The following NUDCD3 variants were observed in gnomAD, a reference collection of about 807,000 sequenced individuals.
NUDCD3 encodes the protein NudC domain containing 3.
In NUDCD3, 13 loss-of-function variants were observed where a neutral mutation model predicts 39.7. The ratio of observed to expected loss-of-function variants is 0.33; its 90% CI spans 0.21 to 0.52. The LOEUF (loss-of-function observed/expected upper bound fraction) is 0.52. Among genes scored for constraint, NUDCD3 ranks in the 20% least tolerant of loss-of-function variants. The probability of loss-of-function intolerance (pLI) is 0.96; values close to 1 mark genes in which losing one functional copy is unlikely to be tolerated. For synonymous variants in NUDCD3, 175 were observed against 172.4 expected (o/e 1.02, Z -0.12); for missense variants, 453 against 458.1 (o/e 0.99, Z 0.10).
At chr7:44,416,047 T>C (rs1045245228) in intron 3 of NUDCD3, among the ~76,000 whole-genome samples, 1 of 152,146 alleles carries the variant, frequency 6.6e-6, no homozygotes, top group African/African-American at 2.4e-5. Flanking sequence ...AAAAAAATCA[T>C]TCAGCAATTA....
intron 4 of NUDCD3, among the ~76,000 whole-genome samples, chr7:44,400,151 T>C (rs1203543133): frequency 6.6e-6 from 1 of 152,210 alleles, no homozygotes; most frequent in Admixed American, 6.5e-5. Context: ...CTTTGGGGAC[T>C]GAACGAGCTA....
chr7:44,466,059 A>G (rs1455190490), intron 2 of NUDCD3, among the ~76,000 whole-genome samples: 2 of 152,144 alleles, frequency 1.3e-5, no homozygotes, highest in African/African-American at 4.8e-5. Flanking sequence ...GCCACCCAAC[A>G]TGAGACATCT....
chr7:44,483,079 T>C (rs923645482), intron 2 of NUDCD3, among the ~76,000 whole-genome samples: 1 of 152,132 alleles, frequency 6.6e-6, no homozygotes, highest in African/African-American at 2.4e-5. Flanking sequence ...TGTGTGTGTG[T>C]GTGTGTGTAT....
intron 4 of NUDCD3, among the ~76,000 whole-genome samples, chr7:44,401,218 C>G (rs538392751): frequency 7.2e-5 from 11 of 152,364 alleles, no homozygotes; most frequent in African/African-American, 2.2e-4. Flanking sequence ...AAGCTCCACA[C>G]AGCAGACGTG....
chr7:44,477,877 A>C (rs1447819597), intron 2 of NUDCD3, among the ~76,000 whole-genome samples: 7 of 132,828 alleles, frequency 5.3e-5, no homozygotes, highest in Admixed American at 9.0e-5. Flanking sequence ...TCTGTCGCCC[A>C]GGCTGGAGTG....
chr7:44,474,001 A>G (rs930292584), intron 2 of NUDCD3, among the ~76,000 whole-genome samples: 5 of 152,224 alleles, frequency 3.3e-5, no homozygotes, highest in Non-Finnish European at 7.3e-5. Flanking sequence ...GAAAATATTT[A>G]CAGATGAAAT....
chr7:44,404,668 G>T, intron 3 of NUDCD3, 85 bp from the exon 4 acceptor site: 1 of 1,452,242 alleles, frequency 6.9e-7, no homozygotes, highest in Non-Finnish European at 9.5e-7. Flanking sequence ...TGGTTTCCAA[G>T]GTACCTGACT....
chr7:44,436,024 T>C (rs1343244369), intron 2 of NUDCD3, among the ~76,000 whole-genome samples: 2 of 151,892 alleles, frequency 1.3e-5, no homozygotes, highest in African/African-American at 4.8e-5. Flanking sequence ...GGACAAAAAA[T>C]GAGAAGGGGA....
At chr7:44,442,520 T>A (rs1279336104) in intron 2 of NUDCD3, among the ~76,000 whole-genome samples, 2 of 152,070 alleles carry the variant, frequency 1.3e-5, no homozygotes, top group Non-Finnish European at 2.9e-5. Flanking sequence ...CTGAATCACT[T>A]CAGCCCCACG....
chr7:44,459,295 C>G (rs1319188286), intron 2 of NUDCD3, among the ~76,000 whole-genome samples: 1 of 151,384 alleles, frequency 6.6e-6, no homozygotes, highest in African/African-American at 2.4e-5. Context: ...ACCTACAGGG[C>G]TCAAGCAATT....
intron 2 of NUDCD3, among the ~76,000 whole-genome samples, chr7:44,437,801 C>T (rs918086382): frequency 1.3e-5 from 2 of 152,142 alleles, no homozygotes; most frequent in African/African-American, 4.8e-5. Context: ...CACTAATACT[C>T]TGATAGATTT....
At position 44,404,483 on chromosome 7, in the gene NUDCD3, G is replaced by A. The variant is rs1798779413; in HGVS notation, c.743C>T (p.Thr248Ile). Residue 248 changes from threonine (T) to isoleucine (I), a missense_variant, in exon 4 of 6, where the codon ACT (threonine) becomes ATT (isoleucine). By Grantham distance (89) the Thr-to-Ile change is moderately conservative. Transcript: ENST00000355451. ...CTCGAGACTCCAGAGAGAACTCTCA[G>A]TGTTGATCTTGTGGGTGAGCTTCCC... ...MEGKLTHKIN[T>I]ESSLWSLEPG... The A allele has an allele frequency of 1.2e-6, 2 of 1,614,040 alleles. No homozygotes were observed. Among genetic ancestry groups the A allele is most frequent in the Admixed American group, 1.7e-5 (1 of 60,000 alleles).
intron 5 of NUDCD3, among the ~76,000 whole-genome samples, chr7:44,389,627 C>T (rs952914906): frequency 2.0e-5 from 3 of 152,218 alleles, no homozygotes; most frequent in African/African-American, 2.4e-5. Flanking sequence ...GACTGAAATA[C>T]TCTTTGGAGA....
intron 4 of NUDCD3, among the ~76,000 whole-genome samples, chr7:44,393,799 C>T (rs1165995902): frequency 6.6e-6 from 1 of 152,124 alleles, no homozygotes; most frequent in Non-Finnish European, 1.5e-5. Context: ...GCCACCAGGA[C>T]ACTTACTGAC....
At position 44,485,065 on chromosome 7, in the gene NUDCD3, G is replaced by A. The variant is rs1800577214; in HGVS notation, c.412C>T (p.Pro138Ser). The A allele has an allele frequency of 6.2e-7, 1 of 1,614,066 alleles. No homozygotes were observed. Among genetic ancestry groups the A allele is most frequent in the Non-Finnish European group, 8.5e-7 (1 of 1,180,014 alleles). The stretch of plus-strand genomic sequence containing the variant: ...GAACCATGGGCCATTTCCTTCACAG[G>A]GCCTGGAGGCTGCACTTTCTCTACT... Reference protein sequence around the residue: ...QEVEKVQPPGPVKEMAHGSQE... With the variant: ...QEVEKVQPPGSVKEMAHGSQE... The change falls in exon 2 of 6, where the codon CCT becomes TCT. Residue 138 changes from proline to serine, a missense_variant. Transcript: ENST00000355451.
chr7:44,428,055 C>T lies in NUDCD3; in HGVS notation c.510-352G>A, dbSNP rs55726502. On this transcript the variant is annotated intron_variant, in intron 2 of 5. Coordinates refer to ENST00000355451, the MANE Select transcript of NUDCD3 (RefSeq NM_015332.4). ...AGGCCTGTTAATTAACCAGAGGGCT[C>T]TTATTAATAAAATCCTTAGGCTCAT... Among the ~76,000 whole-genome samples, 4 of 141,930 alleles carry T rather than the reference C, an allele frequency of 2.8e-5. No homozygotes were observed. The East Asian group carries it at 8.6e-4, about 31-fold the overall frequency. 93.1% of individuals were successfully genotyped at this position (141,930 alleles called of 152,430 possible). A position where few individuals can be genotyped will look rare whatever the true frequency, so the allele number is the denominator to read the frequency against.
chr7:44,410,837 C>T (rs955239711), intron 3 of NUDCD3, among the ~76,000 whole-genome samples: 7 of 149,248 alleles, frequency 4.7e-5, no homozygotes, highest in African/African-American at 7.5e-5. Context: ...TATGGTGGTG[C>T]GTGCCTGTAG....
At chr7:44,443,087 C>T (rs1267192701) in intron 2 of NUDCD3, among the ~76,000 whole-genome samples, 2 of 152,166 alleles carry the variant, frequency 1.3e-5, no homozygotes, top group Non-Finnish European at 2.9e-5. Context: ...ATTTTGTTTA[C>T]TGGTTTATTT....
chr7:44,430,449 G>A (rs1472056752), intron 2 of NUDCD3, among the ~76,000 whole-genome samples: 2 of 152,114 alleles, frequency 1.3e-5, no homozygotes, highest in African/African-American at 4.8e-5. Flanking sequence ...GGTAGCAGCA[G>A]CTACCTTTAT....
Sources: gnomAD v4.1 joint callset for allele counts (sites outside exome capture counted in the v4.1 genomes callset) on GRCh38, gnomAD v4.1.1 for gene constraint, MANE v1.5 for transcripts, NCBI Gene and HGNC (gene_info 2026-07-23, HGNC 2026-07-21) for gene names.